Variants in SORCS1 observed in about 807,000 individuals in gnomAD.
SORCS1 encodes the protein sortilin related VPS10 domain containing receptor 1.
SORCS1 carries 60 observed loss-of-function variants against 146.1 expected under a neutral mutation model. The ratio of observed to expected loss-of-function variants is 0.41; its 90% CI spans 0.33 to 0.51. The LOEUF (loss-of-function observed/expected upper bound fraction) is 0.51. Among genes scored for constraint, SORCS1 ranks in the 20% least tolerant of loss-of-function variants. The pLI, the probability that SORCS1 is intolerant of heterozygous loss-of-function variation, is 0.21. For synonymous variants in SORCS1, 637 were observed against 584.0 expected, an observed-to-expected ratio of 1.09 and a Z score of -1.31; for missense variants, 1,352 against 1,487.6, an observed-to-expected ratio of 0.91 and a Z score of 1.50.
chr10:106,674,813 A>G (rs899202829), intron 14 of SORCS1, among the ~76,000 whole-genome samples: 1 of 152,174 alleles, frequency 6.6e-6, no homozygotes, highest in Non-Finnish European at 1.5e-5. Context: ...TTTATTTCCT[A>G]TTGAAATCAT....
At chr10:106,870,582 T>A (rs950967065) in intron 2 of SORCS1, among the ~76,000 whole-genome samples, 1 of 152,030 alleles carries the variant, frequency 6.6e-6, no homozygotes, top group African/African-American at 2.4e-5. Flanking sequence ...AAACAAACAA[T>A]AGGGAAAAGA....
intron 2 of SORCS1, among the ~76,000 whole-genome samples, chr10:106,944,624 A>G (rs1014374054): frequency 2.0e-5 from 3 of 152,202 alleles, no homozygotes; most frequent in Non-Finnish European, 4.4e-5. Flanking sequence ...ACCAGTTAGC[A>G]TGGATCTATG....
At chr10:107,016,460 G>C (rs1253807618) in intron 1 of SORCS1, among the ~76,000 whole-genome samples, 3 of 152,036 alleles carry the variant, frequency 2.0e-5, no homozygotes, top group Non-Finnish European at 4.4e-5. Context: ...AGATGAGATT[G>C]TGCCACTGCA....
intron 1 of SORCS1, among the ~76,000 whole-genome samples, chr10:107,116,842 T>A (rs77763820): frequency 2.0e-5 from 3 of 152,200 alleles, no homozygotes; most frequent in African/African-American, 4.8e-5. Context: ...TATTTGCCAA[T>A]TAACTATTTA....
At chr10:107,066,212 T>C (rs1278002935) in intron 1 of SORCS1, among the ~76,000 whole-genome samples, 1 of 152,180 alleles carries the variant, frequency 6.6e-6, no homozygotes, top group Non-Finnish European at 1.5e-5. Flanking sequence ...GAGCCCATGC[T>C]TGGGGTTCCA....
chr10:106,731,592 A>G (rs537415409), intron 5 of SORCS1, among the ~76,000 whole-genome samples: 3 of 152,300 alleles, frequency 2.0e-5, no homozygotes, highest in African/African-American at 7.2e-5. Context: ...ACGACAGGGA[A>G]AGGCTTTTCC....
chr10:107,178,274 C>T, the SORCS1 span, among the ~76,000 whole-genome samples: 6 of 152,022 alleles, frequency 3.9e-5, no homozygotes, highest in African/African-American at 1.4e-4. Flanking sequence ...ACCCATTAAC[C>T]AACCTCGCTT....
intron 2 of SORCS1, among the ~76,000 whole-genome samples, chr10:106,889,554 G>T (rs1017871524): frequency 2.6e-5 from 4 of 151,986 alleles, no homozygotes; most frequent in Non-Finnish European, 5.9e-5. Flanking sequence ...ACAAGGTCAG[G>T]AGATCAAGAG....
intron 1 of SORCS1, among the ~76,000 whole-genome samples, chr10:107,044,814 T>TAAAAAAAAAAAAAAAAA (rs71025575): frequency 1.1e-5 from 1 of 90,276 alleles, no homozygotes; most frequent in Admixed American, 1.3e-4. Context: ...TGTGTCTCAA[T>TAAAAAAAAAAAAAAAAA]AAAAAAAAAA....
At chr10:106,697,609 TAGA>T (rs3044940) in intron 9 of SORCS1, among the ~76,000 whole-genome samples, 127,395 of 151,844 alleles carry the variant, frequency 0.84, 54,636 homozygotes, top group Non-Finnish European at 0.94. Flanking sequence ...GCTATGAGAG[TAGA>T]AGAACACTGT....
At chr10:107,099,158 T>C (rs1299583100) in intron 1 of SORCS1, among the ~76,000 whole-genome samples, 3 of 152,220 alleles carry the variant, frequency 2.0e-5, no homozygotes, top group Non-Finnish European at 4.4e-5. Flanking sequence ...CTGAGAGTAG[T>C]AAAGTTGGGT....
chr10:106,750,561 C>T (rs1215854929), intron 5 of SORCS1, among the ~76,000 whole-genome samples: 27 of 147,922 alleles, frequency 1.8e-4, no homozygotes, highest in Non-Finnish European at 2.1e-4. Context: ...AACCCCGTCT[C>T]TATTAAAAAT....
chr10:107,118,881 C>T (rs575182542), intron 1 of SORCS1, among the ~76,000 whole-genome samples: 2 of 152,224 alleles, frequency 1.3e-5, no homozygotes, highest in South Asian at 4.2e-4. Context: ...GGTCAGAATA[C>T]TTATAATGTG....
intron 1 of SORCS1, among the ~76,000 whole-genome samples, chr10:107,011,815 T>G (rs563320903): frequency 1.3e-5 from 2 of 152,274 alleles, no homozygotes; most frequent in East Asian, 3.9e-4. Context: ...GCCATGGAGA[T>G]CCTAAGTAAA....
At chr10:106,763,608 G>T (rs1448148857) in intron 4 of SORCS1, among the ~76,000 whole-genome samples, 1 of 152,192 alleles carries the variant, frequency 6.6e-6, no homozygotes, top group Non-Finnish European at 1.5e-5. Flanking sequence ...TCTGGCAGAA[G>T]TGGCTTCAAG....
chr10:107,164,545 C>A lies in SORCS1; in HGVS notation c.-19G>T. The A allele has an allele frequency of 7.5e-7, 1 of 1,335,268 alleles. No homozygotes were observed. The highest frequency in any genetic ancestry group is 9.5e-7 in the Non-Finnish European group (1 of 1,049,728). 82.7% of individuals were successfully genotyped at this position (1,335,268 alleles called of 1,614,324 possible). On this transcript the variant is annotated 5_prime_UTR_variant, in exon 1 of 26. Coordinates refer to ENST00000263054, the MANE Select transcript of SORCS1 (RefSeq NM_052918.5). This position sits in a 1 kb window ranked among gnomAD's most constrained non-coding sequence, Gnocchi z 6.8. ...TTCCCATCGCGGGAGCGAAGAGCAG[C>A]GGAGAGAGGGGTCCCAGAACGAAGG... is the stretch of plus-strand genomic sequence containing the variant.
intron 18 of SORCS1, among the ~76,000 whole-genome samples, chr10:106,631,588 G>C (rs1185222560): frequency 6.6e-6 from 1 of 152,184 alleles, no homozygotes; most frequent in African/African-American, 2.4e-5. Context: ...CTAGAGAGGG[G>C]GGAGGACATG....
At chr10:106,870,456 A>G (rs936593980) in intron 2 of SORCS1, among the ~76,000 whole-genome samples, 3 of 152,228 alleles carry the variant, frequency 2.0e-5, no homozygotes, top group Non-Finnish European at 2.9e-5. Flanking sequence ...GGCTACAGTA[A>G]CCAAAAGAGT....
At chr10:106,664,889 T>C (rs1373815442) in intron 17 of SORCS1, among the ~76,000 whole-genome samples, 4 of 152,170 alleles carry the variant, frequency 2.6e-5, no homozygotes, top group African/African-American at 7.2e-5. Context: ...CTAAACATGC[T>C]AGTACCAGCA....
Sources: gnomAD v4.1 joint callset for allele counts (sites outside exome capture counted in the v4.1 genomes callset) on GRCh38, gnomAD v4.1.1 for gene constraint, Gnocchi (gnomAD v3.1) non-coding constraint, MANE v1.5 for transcripts, NCBI Gene and HGNC (gene_info 2026-07-23, HGNC 2026-07-21) for gene names.